Variants in NRXN3 observed in about 807,000 individuals in gnomAD.
The protein encoded by NRXN3 is neurexin 3.
Under a neutral mutation model 137.6 loss-of-function variants are expected in NRXN3, and 32 were observed. The ratio of observed to expected loss-of-function variants is 0.23; its 90% CI spans 0.18 to 0.31. The LOEUF is 0.31. Ranked by LOEUF, NRXN3 falls within the 10% of genes least tolerant of loss-of-function variation. NRXN3 has a pLI of 1.00. For synonymous variants in NRXN3, 798 were observed against 784.5 expected, an observed-to-expected ratio of 1.02 and a Z score of -0.29; for missense variants, 1,574 against 2,062.5, an observed-to-expected ratio of 0.76 and a Z score of 4.59.
At chr14:79,564,053 A>T (rs916196467) in intron 16 of NRXN3, among the ~76,000 whole-genome samples, 1 of 152,118 alleles carries the variant, frequency 6.6e-6, no homozygotes, top group East Asian at 1.9e-4. Context: ...TGAGTCAGGC[A>T]ATGATGCTTA....
At chr14:79,619,784 A>G (rs1283306442) in intron 16 of NRXN3, among the ~76,000 whole-genome samples, 1 of 152,072 alleles carries the variant, frequency 6.6e-6, no homozygotes, top group East Asian at 1.9e-4. Flanking sequence ...GTCCTCGAAG[A>G]TCTCCCAATC....
At chr14:79,545,271 G>A (rs2097308468) in intron 16 of NRXN3, among the ~76,000 whole-genome samples, 1 of 152,200 alleles carries the variant, frequency 6.6e-6, no homozygotes, top group Admixed American at 6.5e-5. Flanking sequence ...CAGAATTAGA[G>A]CAAATCCCTT....
At chr14:78,599,642 C>T (rs1028083252) in intron 4 of NRXN3, among the ~76,000 whole-genome samples, 1 of 152,202 alleles carries the variant, frequency 6.6e-6, no homozygotes, top group African/African-American at 2.4e-5. Flanking sequence ...AGTAGTCATT[C>T]ACCCAGTCCT....
chr14:79,717,265 A>G (rs975664984), intron 19 of NRXN3, among the ~76,000 whole-genome samples: 6 of 152,180 alleles, frequency 3.9e-5, no homozygotes, highest in Admixed American at 2.0e-4. Flanking sequence ...CATAGCTTTG[A>G]CTTCCATGCT....
At chr14:78,659,271 G>A (rs1254813253) in intron 6 of NRXN3, among the ~76,000 whole-genome samples, 1 of 152,148 alleles carries the variant, frequency 6.6e-6, no homozygotes, top group Non-Finnish European at 1.5e-5. Flanking sequence ...TGGACTTCTA[G>A]CCTCCTGGAG....
intron 1 of NRXN3, among the ~76,000 whole-genome samples, chr14:78,187,267 T>G (rs4903719): frequency 0.25 from 13,328 of 54,286 alleles, 1,839 homozygotes; most frequent in African/African-American, 0.42. Flanking sequence ...GTGTGTGTGT[T>G]TTTTTTTTTT....
chr14:78,351,956 G>A (rs763975610), intron 4 of NRXN3, among the ~76,000 whole-genome samples: 1 of 151,600 alleles, frequency 6.6e-6, no homozygotes, highest in African/African-American at 2.4e-5. Context: ...GTGTGTTGGC[G>A]AGCACCTGTA....
chr14:79,673,928 A>T (rs1174874195), intron 17 of NRXN3, among the ~76,000 whole-genome samples: 2 of 152,132 alleles, frequency 1.3e-5, no homozygotes, highest in African/African-American at 4.8e-5. Flanking sequence ...TCAAGCTAGC[A>T]CATGAATACC....
At chr14:79,732,307 A>G (rs2098926902) in intron 19 of NRXN3, among the ~76,000 whole-genome samples, 1 of 152,166 alleles carries the variant, frequency 6.6e-6, no homozygotes. Flanking sequence ...AATAAACTCA[A>G]TGTTTACCCT....
chr14:79,216,404 C>T (rs2068511570), intron 15 of NRXN3, among the ~76,000 whole-genome samples: 1 of 152,188 alleles, frequency 6.6e-6, no homozygotes, highest in Non-Finnish European at 1.5e-5. Flanking sequence ...ACATGTGAAT[C>T]AGACCAAACA....
chr14:79,190,634 AAAG>A (rs1473277308), intron 15 of NRXN3, among the ~76,000 whole-genome samples: 1 of 152,148 alleles, frequency 6.6e-6, no homozygotes, highest in Non-Finnish European at 1.5e-5. Flanking sequence ...TTATATATCA[AAAG>A]AAGCCGTGTG....
chr14:78,358,042 G>T (rs1175888605), intron 4 of NRXN3, among the ~76,000 whole-genome samples: 1 of 152,162 alleles, frequency 6.6e-6, no homozygotes. Flanking sequence ...TGAGGGGGTT[G>T]AGAATATAGG....
At chr14:79,672,370 A>G (rs1294377168) in intron 17 of NRXN3, among the ~76,000 whole-genome samples, 3 of 152,086 alleles carry the variant, frequency 2.0e-5, no homozygotes, top group Non-Finnish European at 4.4e-5. Flanking sequence ...GGGATGTAAG[A>G]TAAAGAATTT....
chr14:78,531,576 A>C (rs2096462118), intron 4 of NRXN3, among the ~76,000 whole-genome samples: 1 of 152,098 alleles, frequency 6.6e-6, no homozygotes, highest in Non-Finnish European at 1.5e-5. Flanking sequence ...ACCTTCTGCT[A>C]TCCATCTGTG....
intron 15 of NRXN3, among the ~76,000 whole-genome samples, chr14:79,431,355 G>C (rs2095751368): frequency 6.6e-6 from 1 of 152,084 alleles, no homozygotes; most frequent in South Asian, 2.1e-4. Flanking sequence ...TACAATTAGT[G>C]TTTGCTAAAA....
intron 19 of NRXN3, among the ~76,000 whole-genome samples, chr14:79,767,971 G>A (rs913974067): frequency 2.0e-5 from 3 of 152,202 alleles, no homozygotes; most frequent in African/African-American, 7.2e-5. Context: ...AAGCGCAAGG[G>A]GTCAGGGAGT....
At chr14:78,207,238 G>A (rs2062288483) in intron 1 of NRXN3, among the ~76,000 whole-genome samples, 1 of 152,116 alleles carries the variant, frequency 6.6e-6, no homozygotes, top group Admixed American at 6.5e-5. Flanking sequence ...TAAAGCCTGT[G>A]AAAACCCACC....
intron 10 of NRXN3, among the ~76,000 whole-genome samples, chr14:78,943,616 AAAAAAATATATATATATATATATATAT>A (rs2099357959): frequency 2.0e-4 from 8 of 41,020 alleles, no homozygotes; most frequent in South Asian, 2.3e-3. Context: ...CTGTTAAAAA[AAAAAAATATATATATATATATATATAT>A]ATATATATAT....
intron 15 of NRXN3, among the ~76,000 whole-genome samples, chr14:79,404,979 C>T (rs552821274): frequency 7.9e-5 from 12 of 152,210 alleles, no homozygotes; most frequent in African/African-American, 2.9e-4. Context: ...AGAATTGATG[C>T]ATCAGGGGGC....
Sources: gnomAD v4.1 joint callset for allele counts (sites outside exome capture counted in the v4.1 genomes callset) on GRCh38, gnomAD v4.1.1 for gene constraint, MANE v1.5 for transcripts, NCBI Gene and HGNC (gene_info 2026-07-23, HGNC 2026-07-21) for gene names.